KLHL4: variants seen among roughly 807,000 people sequenced by gnomAD.
KLHL4 encodes the protein kelch-like protein 4.
Under a neutral mutation model 45.8 loss-of-function variants are expected in KLHL4, and 17 were observed. The ratio of observed to expected loss-of-function variants is 0.37; its 90% CI spans 0.25 to 0.56. KLHL4 has a LOEUF of 0.56. Among genes scored for constraint, KLHL4 ranks in the 20% least tolerant of loss-of-function variants. The probability of loss-of-function intolerance (pLI) is 0.79; values close to 1 mark genes in which losing one functional copy is unlikely to be tolerated. For missense variants in KLHL4, 544 were observed against 544.9 expected, an observed-to-expected ratio of 1.00 and a Z score of 0.02; for synonymous variants, 224 against 189.9, an observed-to-expected ratio of 1.18 and a Z score of -1.47.
At chrX:87,561,716 C>T (rs6617432) in intron 1 of KLHL4, among the ~76,000 whole-genome samples, 2 of 109,149 alleles carry the variant, frequency 1.8e-5, no homozygotes, top group African/African-American at 3.3e-5. Flanking sequence ...AACTTCAGGC[C>T]GTGCTGCTTG....
intron 1 of KLHL4, among the ~76,000 whole-genome samples, chrX:87,547,725 G>A (rs1296687473): frequency 1.8e-5 from 2 of 110,661 alleles, no homozygotes; most frequent in Non-Finnish European, 3.8e-5. Context: ...GGAGGCTGAG[G>A]CAGAAGAATG....
intron 1 of KLHL4, among the ~76,000 whole-genome samples, chrX:87,525,697 T>C (rs760168206): frequency 8.9e-6 from 1 of 111,753 alleles, no homozygotes; most frequent in East Asian, 2.8e-4. Context: ...AGGTTTACTC[T>C]GGAAACACTA....
chrX:87,631,883 G>T (rs1320434901), intron 6 of KLHL4, among the ~76,000 whole-genome samples: 2 of 112,185 alleles, frequency 1.8e-5, no homozygotes, highest in Non-Finnish European at 3.8e-5. Flanking sequence ...AGAATCCAAG[G>T]TATTTTGTTG....
At chrX:87,526,349 G>C (rs1931109715) in intron 1 of KLHL4, among the ~76,000 whole-genome samples, 1 of 111,910 alleles carries the variant, frequency 8.9e-6, no homozygotes, top group Admixed American at 9.5e-5. Flanking sequence ...TGTGCATGAT[G>C]GTTTCCTACT....
At chrX:87,596,795 A>C (rs997111664) in intron 1 of KLHL4, among the ~76,000 whole-genome samples, 1 of 112,420 alleles carries the variant, frequency 8.9e-6, no homozygotes, top group Admixed American at 9.5e-5. Context: ...ATTTGAACAC[A>C]AACAGTCTCT....
intron 1 of KLHL4, among the ~76,000 whole-genome samples, chrX:87,584,512 G>A (rs185364081): frequency 1.2e-4 from 13 of 111,662 alleles, no homozygotes; most frequent in African/African-American, 4.2e-4. Context: ...TTAACAAAGA[G>A]ATTAACTAAT....
intron 1 of KLHL4, among the ~76,000 whole-genome samples, chrX:87,583,377 T>C (rs1331525748): frequency 1.8e-5 from 2 of 112,019 alleles, no homozygotes; most frequent in East Asian, 5.7e-4. Flanking sequence ...CCAGGCCACG[T>C]AGCACAGCTT....
chrX:87,558,634 G>A (rs1271256553), intron 1 of KLHL4, among the ~76,000 whole-genome samples: 2 of 110,783 alleles, frequency 1.8e-5, no homozygotes, highest in Non-Finnish European at 3.8e-5. Context: ...TAATTACTTA[G>A]TCATTGTTTA....
chrX:87,585,745 C>G (rs1251875731), intron 1 of KLHL4, among the ~76,000 whole-genome samples: 1 of 110,522 alleles, frequency 9.0e-6, no homozygotes, highest in African/African-American at 3.3e-5. Context: ...AAATAACAAA[C>G]AAATTAGCAG....
At chrX:87,547,885 G>A (rs1442825205) in intron 1 of KLHL4, among the ~76,000 whole-genome samples, 7 of 111,078 alleles carry the variant, frequency 6.3e-5, no homozygotes, top group African/African-American at 2.0e-4. Flanking sequence ...AAATTTAAAA[G>A]GGCAGATCTT....
chrX:87,652,066 A>T (rs1243300310), intron 9 of KLHL4, among the ~76,000 whole-genome samples: 1 of 112,715 alleles, frequency 8.9e-6, no homozygotes, highest in African/African-American at 3.2e-5. Flanking sequence ...ACCACATGGA[A>T]GTTGCCAGGG....
intron 1 of KLHL4, among the ~76,000 whole-genome samples, chrX:87,584,219 A>G: frequency 8.9e-6 from 1 of 111,878 alleles, no homozygotes; most frequent in African/African-American, 3.2e-5. Context: ...GAATATCTGG[A>G]AACCCTTCCC....
chrX:87,588,815 GAGAGGA>G (rs759483059), intron 1 of KLHL4, among the ~76,000 whole-genome samples: 1,423 of 109,543 alleles, frequency 0.013, 22 homozygotes, highest in South Asian at 0.048. Flanking sequence ...GAAGGAGAAG[GAGAGGA>G]AGAGGAAGAG....
chrX:87,605,645 T>C (rs1194885663), intron 1 of KLHL4, among the ~76,000 whole-genome samples: 2 of 111,136 alleles, frequency 1.8e-5, no homozygotes, highest in Non-Finnish European at 3.8e-5. Context: ...CTTTAGAGTT[T>C]TCTATATATA....
intron 1 of KLHL4, among the ~76,000 whole-genome samples, chrX:87,606,614 A>G (rs1190468394): frequency 9.0e-6 from 1 of 111,267 alleles, no homozygotes; most frequent in Non-Finnish European, 1.9e-5. Flanking sequence ...TAAAAAATGG[A>G]TAAATTCCTA....
intron 1 of KLHL4, among the ~76,000 whole-genome samples, chrX:87,536,267 C>A (rs1355186685): frequency 9.0e-6 from 1 of 111,066 alleles, no homozygotes; most frequent in Non-Finnish European, 1.9e-5. Context: ...TGGCCCTATT[C>A]TCTTACTCTC....
chrX:87,519,765 A>G (rs1371490007), intron 1 of KLHL4, among the ~76,000 whole-genome samples: 3 of 112,194 alleles, frequency 2.7e-5, no homozygotes, highest in African/African-American at 9.7e-5. Context: ...ATTTTTAAAA[A>G]ACTGCTGAAT....
chrX:87,620,118 T>A (rs1241586580), intron 4 of KLHL4, among the ~76,000 whole-genome samples: 1 of 111,491 alleles, frequency 9.0e-6, no homozygotes, highest in African/African-American at 3.3e-5. Context: ...ACCATTTAAA[T>A]CATACAGATA....
chrX:87,662,879 C>G (rs1454679062), intron 9 of KLHL4, among the ~76,000 whole-genome samples: 2 of 104,029 alleles, frequency 1.9e-5, no homozygotes, highest in South Asian at 4.4e-4. Context: ...GTAGTGAGCC[C>G]AGATCGCGCC....
Sources: gnomAD v4.1 joint callset for allele counts (sites outside exome capture counted in the v4.1 genomes callset) on GRCh38, gnomAD v4.1.1 for gene constraint, MANE v1.5 for transcripts, NCBI Gene and HGNC (gene_info 2026-07-23, HGNC 2026-07-21) for gene names.